The following SWT1 variants were observed in gnomAD, a reference collection of about 807,000 sequenced individuals.
The protein encoded by SWT1 is SWT1 RNA endoribonuclease homolog.
In SWT1, 33 loss-of-function variants were observed where a neutral mutation model predicts 107.3. That is an observed-to-expected ratio of 0.31 (90% CI 0.23 to 0.41). The LOEUF is 0.41. Ranked by LOEUF, SWT1 falls within the 10% of genes least tolerant of loss-of-function variation. The pLI is 1.00. For missense variants in SWT1, 898 were observed against 1,028.9 expected (o/e 0.87, Z 1.74); for synonymous variants, 345 against 348.3 (o/e 0.99, Z 0.11).
At chr1:185,258,175 C>T (rs769458097) in intron 16 of SWT1, among the ~76,000 whole-genome samples, 8 of 151,916 alleles carry the variant, frequency 5.3e-5, no homozygotes, top group Non-Finnish European at 8.8e-5. Flanking sequence ...TTATTCTTAA[C>T]GTAATAAATG....
At chr1:185,180,252 G>T (rs1321294637) in intron 5 of SWT1, 139 bp from the exon 6 acceptor site, 5 of 659,972 alleles carry the variant, frequency 7.6e-6, no homozygotes, top group Non-Finnish European at 1.3e-5. Flanking sequence ...AGAGGTCAGT[G>T]ATGCTGCTAA....
At chr1:185,243,565 C>T (rs527847167) in intron 16 of SWT1, among the ~76,000 whole-genome samples, 1 of 152,298 alleles carries the variant, frequency 6.6e-6, no homozygotes, top group Non-Finnish European at 1.5e-5. Flanking sequence ...TAACTCAGGA[C>T]AGTGTTTTCC....
chr1:185,234,230 C>T (rs572910115), intron 16 of SWT1, among the ~76,000 whole-genome samples: 32 of 152,224 alleles, frequency 2.1e-4, no homozygotes, highest in African/African-American at 7.5e-4. Context: ...AAGTCTACCA[C>T]TATTATTGTG....
At chr1:185,181,327 G>T (rs1656002302) in intron 6 of SWT1, among the ~76,000 whole-genome samples, 1 of 152,148 alleles carries the variant, frequency 6.6e-6, no homozygotes, top group African/African-American at 2.4e-5. Flanking sequence ...ACAGTCAATT[G>T]TATTTTTCTG....
intron 9 of SWT1, among the ~76,000 whole-genome samples, chr1:185,188,255 C>T (rs1656665194): frequency 6.6e-6 from 1 of 152,136 alleles, no homozygotes; most frequent in Admixed American, 6.5e-5. Context: ...CATGAATAGT[C>T]TTACAGTTGA....
chr1:185,204,657 C>G, intron 11 of SWT1, 43 bp from the exon 12 acceptor site: 1 of 1,143,464 alleles, frequency 8.7e-7, no homozygotes, highest in Non-Finnish European at 1.2e-6. Flanking sequence ...ATAATAATTA[C>G]TGTTAGCATT....
At chr1:185,186,121 A>G (rs1656443536) in intron 9 of SWT1, among the ~76,000 whole-genome samples, 1 of 152,194 alleles carries the variant, frequency 6.6e-6, no homozygotes, top group African/African-American at 2.4e-5. Flanking sequence ...ATGGTTGTGA[A>G]GATTGGTTGA....
chr1:185,239,540 C>T (rs1016722670), intron 16 of SWT1, among the ~76,000 whole-genome samples: 1 of 151,948 alleles, frequency 6.6e-6, no homozygotes, highest in Non-Finnish European at 1.5e-5. Flanking sequence ...TTTCTGAACA[C>T]TTTCTTTTTA....
At chr1:185,168,628 G>T (rs1253944224) in intron 4 of SWT1, among the ~76,000 whole-genome samples, 8 of 152,134 alleles carry the variant, frequency 5.3e-5, no homozygotes, top group Non-Finnish European at 1.0e-4. Flanking sequence ...ACTCAAATGT[G>T]CATTTTAATC....
chr1:185,272,479 C>G (rs1411251639), intron 17 of SWT1, among the ~76,000 whole-genome samples: 1 of 152,114 alleles, frequency 6.6e-6, no homozygotes, highest in Non-Finnish European at 1.5e-5. Flanking sequence ...TCCTGGTTAG[C>G]TCTTTGTTTA....
chr1:185,178,960 C>T (rs1168918095), intron 5 of SWT1, among the ~76,000 whole-genome samples: 3 of 152,152 alleles, frequency 2.0e-5, no homozygotes, highest in Admixed American at 6.6e-5. Flanking sequence ...AGCATTTCTA[C>T]GTATGATGTA....
intron 16 of SWT1, among the ~76,000 whole-genome samples, chr1:185,237,627 C>T (rs1166457200): frequency 6.6e-6 from 1 of 152,084 alleles, no homozygotes; most frequent in African/African-American, 2.4e-5. Flanking sequence ...CAGGAAACCA[C>T]AATGGAACGT....
intron 13 of SWT1, among the ~76,000 whole-genome samples, chr1:185,213,724 A>T (rs1209521241): frequency 1.3e-5 from 2 of 151,996 alleles, no homozygotes; most frequent in Non-Finnish European, 2.9e-5. Flanking sequence ...AATGGAAATA[A>T]TTTTTTCTGT....
chr1:185,256,960 A>G (rs1014591269), intron 16 of SWT1, among the ~76,000 whole-genome samples: 9 of 152,028 alleles, frequency 5.9e-5, no homozygotes, highest in South Asian at 2.1e-4. Flanking sequence ...TGGGTTTTTG[A>G]TGTGGCTGTC....
intron 16 of SWT1, among the ~76,000 whole-genome samples, chr1:185,244,154 T>G (rs1379154005): frequency 1.3e-5 from 2 of 152,004 alleles, no homozygotes; most frequent in Admixed American, 6.6e-5. Context: ...GCCAGGCTGG[T>G]CTTGAACCCC....
intron 18 of SWT1, among the ~76,000 whole-genome samples, chr1:185,286,223 GGTTTTT>G (rs959903847): frequency 2.6e-5 from 4 of 151,846 alleles, no homozygotes; most frequent in Admixed American, 6.6e-5. Flanking sequence ...CTTCAGCAGT[GGTTTTT>G]GTTTTTGTTT....
chr1:185,238,950 C>A (rs1661079996), intron 16 of SWT1, among the ~76,000 whole-genome samples: 1 of 151,928 alleles, frequency 6.6e-6, no homozygotes, highest in Non-Finnish European at 1.5e-5. Context: ...GTAGTGACTG[C>A]AAATTAGCAT....
chr1:185,285,988 G>A (rs1364059242), intron 18 of SWT1, among the ~76,000 whole-genome samples: 1 of 152,158 alleles, frequency 6.6e-6, no homozygotes, highest in Non-Finnish European at 1.5e-5. Flanking sequence ...ACAAGTGTAA[G>A]TCCTCTAACA....
chr1:185,252,441 C>T (rs1187649396), intron 16 of SWT1, among the ~76,000 whole-genome samples: 3 of 152,198 alleles, frequency 2.0e-5, no homozygotes, highest in African/African-American at 7.2e-5. Flanking sequence ...TCTCCAGCAC[C>T]TGTTGTTTCC....
Sources: allele counts gnomAD v4.1 joint callset (sites outside exome capture counted in the v4.1 genomes callset), GRCh38; gene constraint gnomAD v4.1.1; transcripts MANE v1.5; gene names NCBI Gene and HGNC (gene_info 2026-07-23, HGNC 2026-07-21).